The following DCHS2 variants were observed in gnomAD, a reference collection of about 807,000 sequenced individuals.
DCHS2 encodes the protein dachsous cadherin-related 2, also known as protocadherin-23.
Under a neutral mutation model 182.4 loss-of-function variants are expected in DCHS2, and 142 were observed. The ratio of observed to expected loss-of-function variants is 0.78; its 90% confidence interval spans 0.68 to 0.89. DCHS2 has a LOEUF of 0.89. Among genes scored for constraint, DCHS2 ranks in the 40% least tolerant of loss-of-function variants. The pLI, the probability that DCHS2 is intolerant of heterozygous loss-of-function variation, is 0.00. For synonymous variants in DCHS2, 1,740 were observed against 1,663.3 expected, an observed-to-expected ratio of 1.05 and a Z score of -1.12; for missense variants, 4,319 against 4,198.6, an observed-to-expected ratio of 1.03 and a Z score of -0.79.
At chr4:154,244,438 G>A (rs1731980805) in intron 16 of DCHS2, among the ~76,000 whole-genome samples, 1 of 152,162 alleles carries the variant, frequency 6.6e-6, no homozygotes, top group Non-Finnish European at 1.5e-5. Flanking sequence ...AAGGCTAGGA[G>A]GGTGGCTGAG....
intron 16 of DCHS2, among the ~76,000 whole-genome samples, chr4:154,248,494 A>G (rs1326425321): frequency 6.6e-6 from 1 of 152,196 alleles, no homozygotes. Flanking sequence ...TCTACACTCT[A>G]TACACTATTT....
chr4:154,249,987 T>A (rs1732273143), intron 16 of DCHS2, among the ~76,000 whole-genome samples: 1 of 152,084 alleles, frequency 6.6e-6, no homozygotes, highest in African/African-American at 2.4e-5. Flanking sequence ...CCTGCACACA[T>A]GTCTCCTGTA....
intron 1 of DCHS2, among the ~76,000 whole-genome samples, chr4:154,399,561 G>T (rs1292408812): frequency 6.6e-6 from 1 of 152,184 alleles, no homozygotes; most frequent in African/African-American, 2.4e-5. Context: ...GAAGGAAAAT[G>T]AGAACTGCGA....
At chr4:154,393,660 C>T (rs1047236554) in intron 1 of DCHS2, among the ~76,000 whole-genome samples, 6 of 149,642 alleles carry the variant, frequency 4.0e-5, no homozygotes, top group Non-Finnish European at 7.4e-5. Context: ...CTAATCTCTA[C>T]AGTCTTCCAG....
At chr4:154,471,018 A>G (rs769903509) in intron 1 of DCHS2, among the ~76,000 whole-genome samples, 2 of 152,112 alleles carry the variant, frequency 1.3e-5, no homozygotes, top group African/African-American at 2.4e-5. Flanking sequence ...ATCAAAACTT[A>G]CCTTCTTCCA....
intron 1 of DCHS2, among the ~76,000 whole-genome samples, chr4:154,426,615 T>G (rs35648280): frequency 6.6e-6 from 1 of 151,832 alleles, no homozygotes; most frequent in African/African-American, 2.4e-5. Context: ...TGGGTGACTA[T>G]AGTCAACAAT....
chr4:154,410,184 A>G (rs1255643777), intron 1 of DCHS2, among the ~76,000 whole-genome samples: 1 of 152,148 alleles, frequency 6.6e-6, no homozygotes, highest in Admixed American at 6.5e-5. Flanking sequence ...GTAAATTTAT[A>G]AATTGCCTGA....
chr4:154,476,489 A>T (rs1320415040), intron 1 of DCHS2, among the ~76,000 whole-genome samples: 2 of 152,246 alleles, frequency 1.3e-5, no homozygotes, highest in Admixed American at 1.3e-4. Flanking sequence ...ACTGCTTTTC[A>T]GAAAGCTGTA....
intron 4 of DCHS2, chr4:154,334,582 T>C: frequency 3.3e-6 from 1 of 301,808 alleles, no homozygotes. Flanking sequence ...TACATGTGTG[T>C]GTTTTTGTGA....
chr4:154,414,768 A>G (rs1732767233), intron 1 of DCHS2, among the ~76,000 whole-genome samples: 1 of 152,202 alleles, frequency 6.6e-6, no homozygotes, highest in Non-Finnish European at 1.5e-5. Context: ...TTCGTGATAG[A>G]GAAGTGAAAG....
intron 6 of DCHS2, 36 bp from the exon 7 acceptor site, chr4:154,328,228 C>A: frequency 6.6e-7 from 1 of 1,515,606 alleles, no homozygotes; most frequent in Non-Finnish European, 9.0e-7. Context: ...AATGAGTCAG[C>A]AAAAGTTTAA....
intron 17 of DCHS2, among the ~76,000 whole-genome samples, chr4:154,242,246 C>G (rs1024300069): frequency 6.6e-6 from 1 of 152,172 alleles, no homozygotes; most frequent in Non-Finnish European, 1.5e-5. Context: ...ATCTAATTCA[C>G]TTCACTAATT....
In DCHS2 at chr4:154,490,431, C is replaced by T; in HGVS notation, c.925G>A (p.Ala309Thr). 6.5e-7 allele frequency: 1 copy of T among 1,533,946 alleles called. No individual in the cohort carries two copies. Among genetic ancestry groups the T allele is most frequent in the Non-Finnish European group, 8.7e-7 (1 of 1,145,226 alleles). The part of the protein sequence containing the change: ...DEYRAAVRED[A>T]QPGAEVCRVR... ...CGACAGACCTCGGCGCCCGGCTGGGCGTCCTCGCGCACCGCGGCGCGGTAC... is the reference window on the plus strand; with the variant it reads ...CGACAGACCTCGGCGCCCGGCTGGGTGTCCTCGCGCACCGCGGCGCGGTAC... Residue 309 changes from alanine (A) to threonine (T), a missense_variant, in exon 1 of 20, where the codon GCC becomes ACC. By Grantham distance (58) the Ala-to-Thr change is moderately conservative. Transcript: ENST00000357232.
chr4:154,341,267 G>A (rs935346004), intron 3 of DCHS2, among the ~76,000 whole-genome samples: 47 of 151,542 alleles, frequency 3.1e-4, no homozygotes, highest in African/African-American at 1.1e-3. Flanking sequence ...TATTTGGGAG[G>A]CTGAGGCAGG....
intron 3 of DCHS2, among the ~76,000 whole-genome samples, chr4:154,344,045 G>C (rs1158036303): frequency 2.5e-5 from 1 of 40,366 alleles, no homozygotes; most frequent in African/African-American, 1.3e-4. Flanking sequence ...GCAGCCTGGG[G>C]AGAGAGAGAG....
At chr4:154,290,157 T>G (rs79032728) in intron 13 of DCHS2, among the ~76,000 whole-genome samples, 63 of 151,838 alleles carry the variant, frequency 4.1e-4, no homozygotes, top group African/African-American at 1.4e-3. Context: ...CAGCAAACAA[T>G]ATGAAAAAGA....
At chr4:154,317,758 T>A (rs889674486) in intron 9 of DCHS2, among the ~76,000 whole-genome samples, 1 of 152,098 alleles carries the variant, frequency 6.6e-6, no homozygotes, top group Non-Finnish European at 1.5e-5. Context: ...AAAAAACATA[T>A]AATAGATGTT....
chr4:154,344,864 G>A (rs534957433), intron 3 of DCHS2, among the ~76,000 whole-genome samples: 1 of 152,308 alleles, frequency 6.6e-6, no homozygotes, highest in African/African-American at 2.4e-5. Context: ...TGGTCACCAT[G>A]GTGTGGCTGC....
chr4:154,299,279 T>TG lies in DCHS2; in HGVS notation c.5606-572dup, dbSNP rs539326238. On this transcript the variant is annotated intron_variant, in intron 12 of 19. Coordinates refer to ENST00000357232, the MANE Select transcript of DCHS2 (RefSeq NM_001358235.2). Reference sequence around the variant, plus strand: ...TCATAACACTTTGGTTAGAGTTAGTTGGACACTTGACTATTTCTTCCAAAA... The same window carrying TG: ...TCATAACACTTTGGTTAGAGTTAGTTGGGACACTTGACTATTTCTTCCAAAA... 1.7e-3 allele frequency among the ~76,000 whole-genome samples: 257 copies of TG among 152,338 alleles called. 5 individuals carry two copies. The South Asian group carries it at 0.032, about 19-fold the overall frequency.
Sources: gnomAD v4.1 joint callset for allele counts (sites outside exome capture counted in the v4.1 genomes callset) on GRCh38, gnomAD v4.1.1 for gene constraint, MANE v1.5 for transcripts, NCBI Gene and HGNC (gene_info 2026-07-23, HGNC 2026-07-21) for gene names.